Variants in PGR observed in about 807,000 individuals in gnomAD.
PGR encodes the protein progesterone receptor, also known as nuclear receptor subfamily 3 group C member 3.
A neutral mutation model predicts 76.1 loss-of-function variants in PGR; 25 were observed. The observed-to-expected ratio is 0.33, with a 90% CI of 0.24 to 0.46. PGR has a LOEUF of 0.46. PGR is among the 20% of genes least tolerant of loss of function. PGR has a pLI of 1.00. For synonymous variants in PGR, 579 were observed against 535.0 expected, an observed-to-expected ratio of 1.08 and a Z score of -1.14; for missense variants, 1,172 against 1,225.3, an observed-to-expected ratio of 0.96 and a Z score of 0.65.
intron 2 of PGR, among the ~76,000 whole-genome samples, chr11:101,098,660 G>C (rs1451734672): frequency 6.6e-6 from 1 of 152,194 alleles, no homozygotes. Context: ...ACTCTGCAGT[G>C]ATCCAAAAAA....
intron 2 of PGR, among the ~76,000 whole-genome samples, chr11:101,120,277 C>T (rs965136798): frequency 3.9e-5 from 6 of 152,164 alleles, no homozygotes; most frequent in African/African-American, 9.7e-5. Flanking sequence ...CATCTTCAGT[C>T]CCAGCACAAG....
intron 3 of PGR, among the ~76,000 whole-genome samples, chr11:101,074,447 A>G (rs961199571): frequency 6.6e-6 from 1 of 152,312 alleles, no homozygotes; most frequent in African/African-American, 2.4e-5. Context: ...CACCACTGCT[A>G]TTAAACATAG....
chr11:101,038,410 A>G lies in PGR; in HGVS notation c.*706T>C, dbSNP rs1331514829. On this transcript the variant is annotated 3_prime_UTR_variant, in exon 8 of 8. Coordinates refer to ENST00000325455, the MANE Select transcript of PGR (RefSeq NM_000926.4). The stretch of plus-strand genomic sequence containing the variant: ...CTCATTAGAGGACAATTCTCTCCCC[A>G]AAAAAGGTTATTTTAAAAACCTACA... 4.6e-6 allele frequency: 1 copy of G among 216,574 alleles called. No individual in the cohort carries two copies. Among genetic ancestry groups the G allele is most frequent in the African/African-American group, 2.3e-5 (1 of 44,444 alleles). The allele number at this position is 216,574 out of a possible 1,614,324, so 13.4% of individuals were successfully genotyped here.
chr11:101,067,867 G>A (rs1860776354), intron 3 of PGR, among the ~76,000 whole-genome samples: 1 of 151,836 alleles, frequency 6.6e-6, no homozygotes, highest in Non-Finnish European at 1.5e-5. Flanking sequence ...GCATTTCTAT[G>A]GAGTAGAAAA....
chr11:101,087,401 C>A (rs1336595292), intron 3 of PGR, among the ~76,000 whole-genome samples: 1 of 152,004 alleles, frequency 6.6e-6, no homozygotes, highest in Non-Finnish European at 1.5e-5. Context: ...GAAATTGGAC[C>A]CCTACATTTC....
At chr11:101,073,503 A>G (rs1185544401) in intron 3 of PGR, among the ~76,000 whole-genome samples, 1 of 151,780 alleles carries the variant, frequency 6.6e-6, no homozygotes, top group Non-Finnish European at 1.5e-5. Flanking sequence ...GGAGATAGAG[A>G]CATGAAAAAC....
At chr11:101,107,377 A>G (rs983330270) in intron 2 of PGR, among the ~76,000 whole-genome samples, 6 of 152,262 alleles carry the variant, frequency 3.9e-5, no homozygotes, top group African/African-American at 1.4e-4. Flanking sequence ...ACTCTTCCAA[A>G]TGCCCTAATT....
At chr11:101,075,731 C>G (rs1861102385) in intron 3 of PGR, among the ~76,000 whole-genome samples, 1 of 151,918 alleles carries the variant, frequency 6.6e-6, no homozygotes, top group South Asian at 2.1e-4. Context: ...AAAAGCTCAT[C>G]ATCACTGGTC....
In PGR at chr11:101,127,763, T is replaced by G. The variant is rs2135514160; in HGVS notation, c.1308A>C (p.Glu436Asp). The G allele has an allele frequency of 6.4e-7, 1 of 1,561,006 alleles. No homozygotes were observed. The highest frequency in any genetic ancestry group is 1.9e-5 in the Admixed American group (1 of 53,586). Residue 436 changes from glutamate to aspartate, a missense_variant, in exon 1 of 8, where the codon GAA (glutamate) becomes GAC (aspartate). This residue lies in a region of PGR where 893 missense variants were observed against 785.9 expected (regional missense o/e 1.14). Coordinates refer to ENST00000325455, the MANE Select transcript of PGR (RefSeq NM_000926.4). The stretch of plus-strand genomic sequence containing the variant: ...TGGCGGGTGCGGCCGTCACCGCCGC[T>G]TCCCCGGGTCTGGATGGGGTCGCTC... ...PPRATPSRPG[E>D]AAVTAAPASA...
chr11:101,060,877 G>A (rs1190409168), intron 4 of PGR, among the ~76,000 whole-genome samples: 1 of 152,144 alleles, frequency 6.6e-6, no homozygotes, highest in Non-Finnish European at 1.5e-5. Flanking sequence ...GTGGTTGTGT[G>A]GGGGTCAAAA....
At chr11:101,082,945 C>T (rs916385356) in intron 3 of PGR, among the ~76,000 whole-genome samples, 10 of 152,212 alleles carry the variant, frequency 6.6e-5, no homozygotes, top group African/African-American at 2.2e-4. Flanking sequence ...CAAATGTTAA[C>T]AGTCAAGACA....
intron 3 of PGR, among the ~76,000 whole-genome samples, chr11:101,066,011 A>C (rs1860700685): frequency 6.6e-6 from 1 of 152,146 alleles, no homozygotes; most frequent in Non-Finnish European, 1.5e-5. Context: ...TACTCCTGAC[A>C]TTTCAATACC....
chr11:101,050,466 G>T (rs1239659934), intron 5 of PGR, among the ~76,000 whole-genome samples: 1 of 152,030 alleles, frequency 6.6e-6, no homozygotes. Context: ...ATAATTTTGT[G>T]TGCAATTAAA....
At chr11:101,116,610 G>C (rs746415240) in intron 2 of PGR, among the ~76,000 whole-genome samples, 1 of 151,776 alleles carries the variant, frequency 6.6e-6, no homozygotes, top group East Asian at 1.9e-4. Context: ...CATGGTGGTG[G>C]GCACCTGTAA....
intron 3 of PGR, among the ~76,000 whole-genome samples, chr11:101,066,356 T>C (rs947324567): frequency 6.6e-6 from 1 of 152,204 alleles, no homozygotes; most frequent in Non-Finnish European, 1.5e-5. Flanking sequence ...CTTCCACATA[T>C]TTCATTCTTG....
chr11:101,059,854 A>G (rs1322167572), intron 4 of PGR, among the ~76,000 whole-genome samples: 1 of 136,642 alleles, frequency 7.3e-6, no homozygotes, highest in South Asian at 2.3e-4. Flanking sequence ...AAAAAAAAAA[A>G]AAAAAAAGAA....
chr11:101,035,957 G>A lies in PGR; in HGVS notation c.*3159C>T, dbSNP rs922865282. On this transcript the variant is annotated 3_prime_UTR_variant, in exon 8 of 8. Coordinates refer to ENST00000325455, the MANE Select transcript of PGR (RefSeq NM_000926.4). ...TAGCAATTACTATTTCTGAAGGCCTGTATACGTTTTTTTTGGTTTCCATTT... is the reference window on the plus strand; with the variant it reads ...TAGCAATTACTATTTCTGAAGGCCTATATACGTTTTTTTTGGTTTCCATTT... The A allele has an allele frequency of 2.2e-5, 5 of 227,194 alleles. No homozygotes were observed. Among genetic ancestry groups the A allele is most frequent in the African/African-American group, 1.1e-4 (5 of 45,016 alleles). 14.1% of individuals were successfully genotyped at this position (227,194 alleles called of 1,614,324 possible).
At chr11:101,052,191 G>C (rs1263610904) in intron 4 of PGR, among the ~76,000 whole-genome samples, 3 of 151,860 alleles carry the variant, frequency 2.0e-5, no homozygotes, top group African/African-American at 7.3e-5. Flanking sequence ...AGATTCCACA[G>C]TCATCAGGTC....
At chr11:101,055,019 A>T (rs991953526) in intron 4 of PGR, among the ~76,000 whole-genome samples, 1 of 152,134 alleles carries the variant, frequency 6.6e-6, no homozygotes, top group Non-Finnish European at 1.5e-5. Context: ...AATGGTGAAA[A>T]AATTTTAAAG....
Sources: gnomAD v4.1 joint callset for allele counts (sites outside exome capture counted in the v4.1 genomes callset) on GRCh38, gnomAD v4.1.1 for gene constraint, gnomAD v4.1.1 regional missense constraint, MANE v1.5 for transcripts, NCBI Gene and HGNC (gene_info 2026-07-23, HGNC 2026-07-21) for gene names.